ADIPOR2: variants seen among roughly 807,000 people sequenced by gnomAD.
The protein encoded by ADIPOR2 is adiponectin receptor protein 2.
ADIPOR2 carries 18 observed loss-of-function variants against 40.9 expected under a neutral mutation model. That is an observed-to-expected ratio of 0.44 (90% CI 0.30 to 0.65). ADIPOR2 has a LOEUF of 0.65. Among genes scored for constraint, ADIPOR2 ranks in the 30% least tolerant of loss-of-function variants. ADIPOR2 has a pLI of 0.09. For synonymous variants in ADIPOR2, 165 were observed against 166.4 expected (o/e 0.99, Z 0.06); for missense variants, 283 against 479.2 (o/e 0.59, Z 3.82).
intron 1 of ADIPOR2, among the ~76,000 whole-genome samples, chr12:1,713,468 A>G (rs909228461): frequency 6.6e-6 from 1 of 152,056 alleles, no homozygotes; most frequent in African/African-American, 2.4e-5. Context: ...GCCTTAAGGG[A>G]TATTGCCTTT....
At chr12:1,764,558 AACACACACACAC>A (rs59660682) in intron 2 of ADIPOR2, among the ~76,000 whole-genome samples, 4 of 118,996 alleles carry the variant, frequency 3.4e-5, no homozygotes, top group East Asian at 2.3e-4. Context: ...TAAAGTATTA[AACACACACACAC>A]ACACACACAC....
At chr12:1,782,677 G>T (rs976586941) in intron 6 of ADIPOR2, among the ~76,000 whole-genome samples, 7 of 152,104 alleles carry the variant, frequency 4.6e-5, no homozygotes, top group Admixed American at 6.5e-5. Flanking sequence ...TTAAAAAAAT[G>T]CTGGTTGAGA....
chr12:1,695,081 C>T lies in ADIPOR2; in HGVS notation c.-87+3890C>T, dbSNP rs140752239. On this transcript the variant is annotated intron_variant, in intron 1 of 7. Transcript: ENST00000357103. Reference sequence around the variant, plus strand: ...ATCTCAGGCTGGAGTGCACTGGTGCCGTCATGGCTCTGCAGCCTCGACCTC... The same window carrying T: ...ATCTCAGGCTGGAGTGCACTGGTGCTGTCATGGCTCTGCAGCCTCGACCTC... 5.5e-3 allele frequency among the ~76,000 whole-genome samples: 827 copies of T among 150,782 alleles called. 5 individuals are homozygous for T. The highest frequency in any genetic ancestry group is 9.7e-3 in the Non-Finnish European group (658 of 67,730).
At chr12:1,757,824 ATCT>A (rs1862173757) in intron 2 of ADIPOR2, 3 of 842,282 alleles carry the variant, frequency 3.6e-6, no homozygotes, top group Non-Finnish European at 2.1e-6. Flanking sequence ...TCTGCATGTA[ATCT>A]TCTTTACTTC....
chr12:1,775,608 TG>T (rs1387460415), intron 3 of ADIPOR2, among the ~76,000 whole-genome samples: 1 of 152,238 alleles, frequency 6.6e-6, no homozygotes. Flanking sequence ...GTGTGCACAT[TG>T]TGAATTGCCT....
chr12:1,702,568 A>T (rs2094652587), intron 1 of ADIPOR2, among the ~76,000 whole-genome samples: 1 of 152,052 alleles, frequency 6.6e-6, no homozygotes, highest in Admixed American at 6.5e-5. Flanking sequence ...CAAATGTTAG[A>T]TGACTATTCA....
chr12:1,715,580 T>C (rs1465437052), intron 1 of ADIPOR2, among the ~76,000 whole-genome samples: 1 of 152,146 alleles, frequency 6.6e-6, no homozygotes, highest in Non-Finnish European at 1.5e-5. Flanking sequence ...AGAATTCCCC[T>C]CTGGAGGACA....
At chr12:1,750,476 G>A (rs1489822580) in intron 1 of ADIPOR2, among the ~76,000 whole-genome samples, 1 of 151,818 alleles carries the variant, frequency 6.6e-6, no homozygotes, top group Non-Finnish European at 1.5e-5. Context: ...TGGAGGGCAG[G>A]AGGATCCGTT....
At chr12:1,764,793 T>C (rs1465103984) in intron 2 of ADIPOR2, among the ~76,000 whole-genome samples, 1 of 152,226 alleles carries the variant, frequency 6.6e-6, no homozygotes, top group Non-Finnish European at 1.5e-5. Context: ...AATCATTCCA[T>C]ATGTACTCTT....
At chr12:1,734,952 A>G (rs755861597) in intron 1 of ADIPOR2, among the ~76,000 whole-genome samples, 10 of 152,076 alleles carry the variant, frequency 6.6e-5, no homozygotes, top group Non-Finnish European at 1.0e-4. Context: ...GTTCTGGTCT[A>G]TATCTCTGTT....
chr12:1,714,064 TG>T, intron 1 of ADIPOR2, among the ~76,000 whole-genome samples: 1 of 152,216 alleles, frequency 6.6e-6, no homozygotes, highest in African/African-American at 2.4e-5. Flanking sequence ...CTTTGTCCTT[TG>T]GGGCAGTGCA....
At chr12:1,777,223 AGG>A (rs1862613603) in intron 3 of ADIPOR2, among the ~76,000 whole-genome samples, 1 of 131,694 alleles carries the variant, frequency 7.6e-6, no homozygotes, top group South Asian at 2.5e-4. Context: ...TTATATAGGT[AGG>A]ATGAAGGAGG....
intron 1 of ADIPOR2, chr12:1,696,262 T>C (rs991593149): frequency 6.5e-6 from 1 of 154,800 alleles, no homozygotes; most frequent in South Asian, 2.0e-4. Context: ...CTGTTCAGCT[T>C]CTAGGAGATT....
chr12:1,755,329 A>G (rs952422531), intron 2 of ADIPOR2, among the ~76,000 whole-genome samples: 2 of 151,420 alleles, frequency 1.3e-5, no homozygotes, highest in Admixed American at 6.6e-5. Flanking sequence ...ACCTGCCTCA[A>G]CCTCCCAGAG....
chr12:1,767,111 A>G (rs1862397509), intron 2 of ADIPOR2, among the ~76,000 whole-genome samples: 1 of 152,006 alleles, frequency 6.6e-6, no homozygotes, highest in Admixed American at 6.6e-5. Context: ...CTCTACTAAA[A>G]ATATAAATAA....
At chr12:1,764,050 G>A (rs1413837817) in intron 2 of ADIPOR2, among the ~76,000 whole-genome samples, 2 of 152,168 alleles carry the variant, frequency 1.3e-5, no homozygotes, top group Non-Finnish European at 2.9e-5. Flanking sequence ...GTAAAGAAAT[G>A]AATGATTAAA....
chr12:1,759,012 A>T (rs1862210511), intron 2 of ADIPOR2, among the ~76,000 whole-genome samples: 1 of 152,234 alleles, frequency 6.6e-6, no homozygotes, highest in African/African-American at 2.4e-5. Flanking sequence ...TTTCTGCCGA[A>T]CAAAGCTGCC....
intron 1 of ADIPOR2, among the ~76,000 whole-genome samples, chr12:1,691,676 C>G (rs1211273064): frequency 6.6e-6 from 1 of 152,208 alleles, no homozygotes; most frequent in Non-Finnish European, 1.5e-5. Context: ...GAAGAGTTCC[C>G]TCACCTTTTT....
intron 1 of ADIPOR2, among the ~76,000 whole-genome samples, chr12:1,739,222 C>G (rs915650297): frequency 1.3e-4 from 20 of 152,198 alleles, no homozygotes; most frequent in Non-Finnish European, 2.2e-4. Context: ...GCCTTTATGT[C>G]TTTGCGTGTA....
Sources: allele counts gnomAD v4.1 joint callset (sites outside exome capture counted in the v4.1 genomes callset), GRCh38; gene constraint gnomAD v4.1.1; transcripts MANE v1.5; gene names NCBI Gene and HGNC (gene_info 2026-07-23, HGNC 2026-07-21).